ABCB4: variants seen among roughly 807,000 people sequenced by gnomAD.
The protein encoded by ABCB4 is phosphatidylcholine translocator ABCB4.
ABCB4 carries 76 observed loss-of-function variants against 145.7 expected under a neutral mutation model. The ratio of observed to expected loss-of-function variants is 0.52; its 90% CI spans 0.43 to 0.63. The LOEUF (loss-of-function observed/expected upper bound fraction) is 0.63. Ranked by LOEUF, ABCB4 falls within the 30% of genes least tolerant of loss-of-function variation. The pLI, the probability that ABCB4 is intolerant of heterozygous loss-of-function variation, is 0.00. For missense variants in ABCB4, 1,234 were observed against 1,553.1 expected, an observed-to-expected ratio of 0.79 and a Z score of 3.45; for synonymous variants, 517 against 566.8, an observed-to-expected ratio of 0.91 and a Z score of 1.25.
intron 4 of ABCB4, among the ~76,000 whole-genome samples, chr7:87,458,393 T>C (rs1458839205): frequency 6.6e-6 from 1 of 152,228 alleles, no homozygotes; most frequent in East Asian, 1.9e-4. Flanking sequence ...CAATAAGTCA[T>C]TGTCAGACCC....
the ABCB4 span, among the ~76,000 whole-genome samples, chr7:87,387,524 G>C: frequency 6.6e-6 from 1 of 151,696 alleles, no homozygotes; most frequent in Non-Finnish European, 1.5e-5. Flanking sequence ...CAAGCCCCCA[G>C]TGCATTAGAA....
intron 14 of ABCB4, among the ~76,000 whole-genome samples, chr7:87,435,490 GTC>G (rs942278684): frequency 5.9e-5 from 9 of 152,170 alleles, no homozygotes; most frequent in Non-Finnish European, 1.2e-4. Context: ...CACACAGCTC[GTC>G]TGTTTGCCAT....
In ABCB4 at chr7:87,440,339, C is replaced by G. The variant is rs1215781056; in HGVS notation, c.1420G>C (p.Val474Leu). The G allele has an allele frequency of 1.4e-5, 22 of 1,614,146 alleles. No homozygotes were observed. Among genetic ancestry groups the G allele is most frequent in the Non-Finnish European group, 1.8e-5 (21 of 1,180,016 alleles). The change falls in exon 13 of 28, where the codon GTG becomes CTG. Residue 474 changes from valine (V) to leucine (L), a missense_variant. Physicochemically the swap from Val to Leu is conservative, Grantham distance 32. This residue lies in a region of ABCB4 where 467 missense variants were observed against 632.8 expected (regional missense o/e 0.74). Coordinates refer to ENST00000649586, the MANE Select transcript of ABCB4 (RefSeq NM_000443.4). ...AACAGCACCGGCTCCTGACTCACCA[C>G]ACCAATGATTTCCCTCAGATAGTTT... ...NVNYLREIIGVVSQEPVLFST... is the reference protein window; with the variant it reads ...NVNYLREIIGLVSQEPVLFST...
At position 87,419,794 on chromosome 7, in the gene ABCB4, AAAC is replaced by A. The variant is rs1435829546; in HGVS notation, c.2394+201_2394+203del. On this transcript the variant is annotated intron_variant, in intron 19 of 27. Coordinates refer to ENST00000649586, the MANE Select transcript of ABCB4 (RefSeq NM_000443.4). ...AAATAAAGCCTATTTCTATGAAAAA[AAAC>A]AAAAACAAAAAAAAAACAAAAAAAA... Among the ~76,000 whole-genome samples the A allele has an allele frequency of 2.4e-3, 204 of 84,908 alleles. 2 individuals are homozygous for A. Among genetic ancestry groups the A allele is most frequent in the African/African-American group, 7.7e-3 (190 of 24,782 alleles). The allele number at this position is 84,908 out of a possible 152,430, so 55.7% of individuals were successfully genotyped here. A position where few individuals can be genotyped will look rare whatever the true frequency, so the allele number is the denominator to read the frequency against.
At position 87,423,917 on chromosome 7, in the gene ABCB4, C is replaced by A; in HGVS notation, c.2200G>T (p.Glu734Ter). The change falls in exon 17 of 28, where the codon GAG (glutamate) becomes TAG (stop). Residue 734 changes from glutamate to a stop codon, truncating the protein, a stop_gained. Coordinates refer to ENST00000649586, the MANE Select transcript of ABCB4 (RefSeq NM_000443.4). LOFTEE classifies it high-confidence loss of function. ...GTTTGCAAACTTACCGCTATGATCT[C>A]TGAGAATATGACTGAAAATGCCGGC... is the stretch of plus-strand genomic sequence containing the variant. Reference protein sequence around the residue: ...LQPAFSVIFSEIIAIFGPGDD... With the variant: ...LQPAFSVIFS The A allele has an allele frequency of 6.2e-7, 1 of 1,614,080 alleles. No homozygotes were observed. Among genetic ancestry groups the A allele is most frequent in the Non-Finnish European group, 8.5e-7 (1 of 1,179,954 alleles).
chr7:87,437,906 A>G (rs1810716478), intron 14 of ABCB4, among the ~76,000 whole-genome samples: 1 of 152,228 alleles, frequency 6.6e-6, no homozygotes, highest in African/African-American at 2.4e-5. Flanking sequence ...TCAACTGAGG[A>G]GTGTGCTATG....
In ABCB4 at chr7:87,451,884, A is replaced by G. The variant is rs1584763816; in HGVS notation, c.537-90T>C. 2.4e-6 allele frequency: 3 copies of G among 1,266,882 alleles called. No individual in the cohort carries two copies. The African/African-American group carries it at 4.4e-5, about 19-fold the overall frequency. 78.5% of individuals were successfully genotyped at this position (1,266,882 alleles called of 1,614,324 possible). A position where few individuals can be genotyped will look rare whatever the true frequency, so the allele number is the denominator to read the frequency against. On this transcript the variant is annotated intron_variant, in intron 6 of 27. Transcript: ENST00000649586. ...TCCAACAAACACATAGACAAGTAAA[A>G]TTTGTTCACTGACTGCAAGCCTCTT...
chr7:87,443,230 AC>A, intron 12 of ABCB4, 88 bp downstream of exon 12: 6 of 1,549,556 alleles, frequency 3.9e-6, no homozygotes, highest in Non-Finnish European at 3.6e-6. Flanking sequence ...AACTGGATTC[AC>A]ACGCAAATTT....
chr7:87,370,571 A>T, the ABCB4 span, among the ~76,000 whole-genome samples: 1 of 152,200 alleles, frequency 6.6e-6, no homozygotes. Flanking sequence ...TTTATAACTT[A>T]AATTAGTTTT....
intron 16 of ABCB4, among the ~76,000 whole-genome samples, chr7:87,426,080 G>A (rs145863049): frequency 6.6e-6 from 1 of 151,660 alleles, no homozygotes; most frequent in Non-Finnish European, 1.5e-5. Context: ...CCATGTGATC[G>A]AATTATGACC....
the ABCB4 span, chr7:87,369,523 G>T: frequency 7.3e-7 from 1 of 1,377,922 alleles, no homozygotes; most frequent in South Asian, 1.3e-5. Flanking sequence ...TAGGTCTTAT[G>T]GTGTTGCTTG....
intron 27 of ABCB4, 39 bp from the exon 28 acceptor site, chr7:87,402,341 G>A (rs754015679): frequency 4.3e-6 from 7 of 1,609,350 alleles, no homozygotes; most frequent in Middle Eastern, 1.7e-4. Context: ...CCCAAAAATT[G>A]TATAAATTAG....
At chr7:87,408,011 A>G (rs748563314) in intron 25 of ABCB4, 26 bp downstream of exon 25, 2 of 1,612,348 alleles carry the variant, frequency 1.2e-6, no homozygotes, top group Admixed American at 3.3e-5. Context: ...ATAGCCTTCA[A>G]TCAAGTTATA....
At chr7:87,373,737 T>C in the ABCB4 span, among the ~76,000 whole-genome samples, 2 of 151,852 alleles carry the variant, frequency 1.3e-5, no homozygotes, top group Non-Finnish European at 2.9e-5. Flanking sequence ...ATTAAAGAAG[T>C]AGACGAGATT....
intron 14 of ABCB4, among the ~76,000 whole-genome samples, chr7:87,439,329 T>C (rs1156451517): frequency 6.6e-6 from 1 of 152,190 alleles, no homozygotes; most frequent in East Asian, 1.9e-4. Context: ...GCTGGACCAG[T>C]GTCTGGGTAA....
the ABCB4 span, chr7:87,393,046 T>C: frequency 6.2e-7 from 1 of 1,613,498 alleles, no homozygotes; most frequent in East Asian, 2.2e-5. Flanking sequence ...TATGGATTTT[T>C]CTACCATATC....
At position 87,401,923 on chromosome 7, in the gene ABCB4, TA is replaced by T; in HGVS notation, c.*172del. 1.2e-6 allele frequency: 1 copy of T among 860,208 alleles called. No individual in the cohort carries two copies. The highest frequency in any genetic ancestry group is 1.9e-6 in the Non-Finnish European group (1 of 529,842). The allele number at this position is 860,208 out of a possible 1,614,324, so 53.3% of individuals were successfully genotyped here. A position where few individuals can be genotyped will look rare whatever the true frequency, so the allele number is the denominator to read the frequency against. ...ACTTCATCAAGACAGGTGTCACTTC[TA>T]ACTCTCAAATTTCAAATGCCGTAAT... On this transcript the variant is annotated 3_prime_UTR_variant, in exon 28 of 28. Transcript: ENST00000649586.
At chr7:87,462,172 G>A (rs1246607738) in intron 4 of ABCB4, among the ~76,000 whole-genome samples, 1 of 152,156 alleles carries the variant, frequency 6.6e-6, no homozygotes, top group East Asian at 1.9e-4. Flanking sequence ...ATTAACTTAT[G>A]GGACACTTGG....
At chr7:87,371,300 T>G in the ABCB4 span, among the ~76,000 whole-genome samples, 1 of 152,218 alleles carries the variant, frequency 6.6e-6, no homozygotes, top group Non-Finnish European at 1.5e-5. Flanking sequence ...AATAGTGTTA[T>G]TTTTATAGTT....
Sources: allele counts gnomAD v4.1 joint callset (sites outside exome capture counted in the v4.1 genomes callset), GRCh38; gene constraint gnomAD v4.1.1; regional missense constraint gnomAD v4.1.1; transcripts MANE v1.5; gene names NCBI Gene and HGNC (gene_info 2026-07-23, HGNC 2026-07-21).